The following ADGRF3 variants were observed in gnomAD, a reference collection of about 807,000 sequenced individuals.
ADGRF3 encodes G protein-coupled receptor 113.
In ADGRF3, 85 loss-of-function variants were observed where a neutral mutation model predicts 93.2. The observed-to-expected ratio is 0.91, with a 90% confidence interval of 0.77 to 1.09. ADGRF3 has a LOEUF of 1.09. ADGRF3 is among the 50% of genes least tolerant of loss of function. ADGRF3 has a pLI of 0.00. For missense variants in ADGRF3, 1,125 were observed against 1,246.2 expected, an observed-to-expected ratio of 0.90 and a Z score of 1.46; for synonymous variants, 534 against 532.5, an observed-to-expected ratio of 1.00 and a Z score of -0.04.
At chr2:26,346,055 C>T in intron 1 of ADGRF3, 66 bp downstream of exon 1, 1 of 1,488,022 alleles carries the variant, frequency 6.7e-7, no homozygotes, top group Non-Finnish European at 9.0e-7. Context: ...CGCTTGCGCA[C>T]TGAGAGGCGG....
chr2:26,324,603 T>C (rs945077922), intron 1 of ADGRF3, among the ~76,000 whole-genome samples: 3 of 152,236 alleles, frequency 2.0e-5, no homozygotes, highest in African/African-American at 7.2e-5. Context: ...GTTAGTTTGC[T>C]AAGGATAATG....
intron 1 of ADGRF3, among the ~76,000 whole-genome samples, chr2:26,330,043 T>G (rs1675672180): frequency 6.6e-6 from 1 of 152,226 alleles, no homozygotes; most frequent in Non-Finnish European, 1.5e-5. Flanking sequence ...GTTTAAAACC[T>G]GTGGGAAGTG....
Position 26,311,377 on chromosome 2 carries a change from G to A in ADGRF3, c.2147C>T (p.Ala716Val), listed in dbSNP as rs145121244. ...TQVGLGASILALLVCLGVYWL... is the reference protein window; with the variant it reads ...TQVGLGASILVLLVCLGVYWL... Reference sequence around the variant, plus strand: ...GTACACACCCAGGCACACAAGCAGCGCCAGTATGGAAGCTCCCAAGCCCAC... The same window carrying A: ...GTACACACCCAGGCACACAAGCAGCACCAGTATGGAAGCTCCCAAGCCCAC... Residue 716 changes from alanine (A) to valine (V), a missense_variant, in exon 10 of 14, where the codon GCG becomes GTG. By Grantham distance (64) the Ala-to-Val change is moderately conservative. Coordinates refer to ENST00000651242, the MANE Select transcript of ADGRF3 (RefSeq NM_001321971.2). The A allele has an allele frequency of 3.2e-3, 5,226 of 1,613,988 alleles. 14 individuals are homozygous for A. Among genetic ancestry groups the A allele is most frequent in the Non-Finnish European group, 4.0e-3 (4,668 of 1,179,894 alleles).
At chr2:26,325,147 G>A (rs1430695554) in intron 1 of ADGRF3, among the ~76,000 whole-genome samples, 1 of 152,226 alleles carries the variant, frequency 6.6e-6, no homozygotes, top group African/African-American at 2.4e-5. Flanking sequence ...CATGGGACAT[G>A]TGTAGAGAGA....
chr2:26,345,949 C>T, intron 1 of ADGRF3, 172 bp downstream of exon 1: 1 of 640,126 alleles, frequency 1.6e-6, no homozygotes, highest in Non-Finnish European at 2.6e-6. Flanking sequence ...TTAGTGTTGC[C>T]TGATCCACGC....
rs1053383989 is a variant in ADGRF3 at position 26,308,333 on chromosome 2, T to C, written c.*753A>G. The C allele has an allele frequency of 2.0e-5, 3 of 152,188 alleles. No homozygotes were observed. The highest frequency in any genetic ancestry group is 7.2e-5 in the African/African-American group (3 of 41,456). The allele number at this position is 152,188 out of a possible 1,614,324, so 9.4% of individuals were successfully genotyped here. On this transcript the variant is annotated 3_prime_UTR_variant, in exon 14 of 14. Transcript: ENST00000651242. Reference sequence around the variant, plus strand: ...AATCCTGTCATCTTCCTCTTGTGAATTCCATAAGTTAATTCAGCCAGATAG... The same window carrying C: ...AATCCTGTCATCTTCCTCTTGTGAACTCCATAAGTTAATTCAGCCAGATAG...
chr2:26,321,660 G>C (rs1675156333), intron 1 of ADGRF3, among the ~76,000 whole-genome samples: 1 of 152,052 alleles, frequency 6.6e-6, no homozygotes, highest in South Asian at 2.1e-4. Context: ...AAGGAAGAAG[G>C]AACTCCGAGG....
rs778018425 is a variant in ADGRF3 at position 26,317,061 on chromosome 2, G to A, written c.182-6C>T. The A allele has an allele frequency of 2.5e-6, 4 of 1,604,910 alleles. No homozygotes were observed. The highest frequency in any genetic ancestry group is 3.4e-6 in the Non-Finnish European group (4 of 1,176,300). On this transcript the variant is annotated splice_region_variant and splice_polypyrimidine_tract_variant and intron_variant, in intron 2 of 13. Transcript: ENST00000651242. Reference sequence around the variant, plus strand: ...GACGGAGACCAGCGCTGATTCTACAGGAGCAGAGGGGACAGCTGGAGAGGA... The same window carrying A: ...GACGGAGACCAGCGCTGATTCTACAAGAGCAGAGGGGACAGCTGGAGAGGA...
intron 1 of ADGRF3, among the ~76,000 whole-genome samples, chr2:26,334,621 T>G (rs1199688974): frequency 6.6e-6 from 1 of 152,160 alleles, no homozygotes; most frequent in African/African-American, 2.4e-5. Context: ...ATGGGTAATT[T>G]GTTGATGTTC....
At chr2:26,341,031 A>G (rs1318573331) in intron 1 of ADGRF3, among the ~76,000 whole-genome samples, 4 of 152,146 alleles carry the variant, frequency 2.6e-5, no homozygotes, top group African/African-American at 9.7e-5. Context: ...CTAGACTTCG[A>G]ATGACTACTG....
At chr2:26,322,945 G>T (rs1034793016) in intron 1 of ADGRF3, among the ~76,000 whole-genome samples, 1 of 152,020 alleles carries the variant, frequency 6.6e-6, no homozygotes, top group Non-Finnish European at 1.5e-5. Context: ...AGACCAGCCT[G>T]GTCAACATGG....
At chr2:26,346,000 C>A in intron 1 of ADGRF3, 121 bp downstream of exon 1, 2 of 1,021,360 alleles carry the variant, frequency 2.0e-6, no homozygotes, top group Admixed American at 2.7e-5. Context: ...GCCGCTCGAG[C>A]GGGCTAGCAA....
chr2:26,343,780 G>C (rs1676532429), intron 1 of ADGRF3, among the ~76,000 whole-genome samples: 1 of 152,140 alleles, frequency 6.6e-6, no homozygotes, highest in African/African-American at 2.4e-5. Context: ...CTGGGGCTAA[G>C]TGAAGTAAGT....
At position 26,311,986 on chromosome 2, in the gene ADGRF3, G is replaced by A. The variant is rs140729560; in HGVS notation, c.1538C>T (p.Ser513Leu). The change falls in exon 10 of 14, where the codon TCG (serine) becomes TTG (leucine). Residue 513 changes from serine (S) to leucine (L), a missense_variant. Ser to Leu is a moderately radical substitution (Grantham distance 145). Coordinates refer to ENST00000651242, the MANE Select transcript of ADGRF3 (RefSeq NM_001321971.2). Reference protein sequence around the residue: ...LAQARKPWAGSTLLLAVETLA... With the variant: ...LAQARKPWAGLTLLLAVETLA... ...GGTCTCCACAGCCAGCAGGAGAGTC[G>A]AGCCTGCCCAGGGCTTCCGGGCTTG... 3.3e-5 allele frequency: 53 copies of A among 1,613,518 alleles called. No individual in the cohort carries two copies. The highest frequency in any genetic ancestry group is 2.3e-4 in the Admixed American group (14 of 60,028).
rs1674171671 is a variant in ADGRF3 at position 26,311,831 on chromosome 2, G to A, written c.1693C>T (p.Leu565=). The stretch of plus-strand genomic sequence containing the variant: ...GAGTGCCTGGGAATCTGAGCCTGCA[G>A]TGGGGGCCGAGTAGGGAAGGAGATG... ...YSISFPTRPP[L]QAQIPRHSLA... is the part of the protein sequence containing the mutation. Residue 565 remains leucine, a synonymous_variant, in exon 10 of 14, where the codon CTG becomes TTG. Transcript: ENST00000651242. The A allele has an allele frequency of 6.2e-7, 1 of 1,613,926 alleles. No homozygotes were observed. The highest frequency in any genetic ancestry group is 8.5e-7 in the Non-Finnish European group (1 of 1,179,842).
intron 4 of ADGRF3, 129 bp downstream of exon 4, chr2:26,316,146 T>A: frequency 1.0e-6 from 1 of 993,500 alleles, no homozygotes; most frequent in Non-Finnish European, 1.4e-6. Flanking sequence ...TGGCTGGCTT[T>A]TTCTCCCACC....
rs138637084 is a variant in ADGRF3 at position 26,310,077 on chromosome 2, C to T, written c.2903G>A (p.Cys968Tyr). ...GGTGGAGCTGGGGGCTTGGGCGCGG[C>T]AGAAGCGTTTGCGCAAAGCTTCTTG... ...KIQEALRKRFCRAQAPSSTIS... is the reference protein window; with the variant it reads ...KIQEALRKRFYRAQAPSSTIS... Residue 968 changes from cysteine (C) to tyrosine (Y), a missense_variant, in exon 12 of 14, where the codon TGC becomes TAC. Transcript: ENST00000651242. The T allele has an allele frequency of 4.5e-5, 73 of 1,614,040 alleles. No homozygotes were observed. Among genetic ancestry groups the T allele is most frequent in the Non-Finnish European group, 6.0e-5 (71 of 1,179,896 alleles).
chr2:26,317,587 C>A lies in ADGRF3; in HGVS notation c.115-25G>T, dbSNP rs1434012511. The A allele has an allele frequency of 2.6e-6, 4 of 1,556,384 alleles. No homozygotes were observed. The African/African-American group carries it at 4.1e-5, about 16-fold the overall frequency. On this transcript the variant is annotated intron_variant, in intron 1 of 13. Coordinates refer to ENST00000651242, the MANE Select transcript of ADGRF3 (RefSeq NM_001321971.2). ...CCTGGAACAGAACACAGAGGGGAGA[C>A]CTCAAGTCCCTTCCAAAGGCACCCC... is the stretch of plus-strand genomic sequence containing the variant.
intron 9 of ADGRF3, among the ~76,000 whole-genome samples, chr2:26,312,691 G>C (rs916657724): frequency 1.3e-5 from 2 of 152,234 alleles, no homozygotes; most frequent in East Asian, 1.9e-4. Context: ...GCGCACACAC[G>C]CCTCGGGCCT....
Sources: allele counts gnomAD v4.1 joint callset (sites outside exome capture counted in the v4.1 genomes callset), GRCh38; gene constraint gnomAD v4.1.1; transcripts MANE v1.5; gene names NCBI Gene and HGNC (gene_info 2026-07-23, HGNC 2026-07-21).